Variants in ROBO1 observed in about 807,000 individuals in gnomAD.
The protein encoded by ROBO1 is roundabout guidance receptor 1.
A neutral mutation model predicts 195.9 loss-of-function variants in ROBO1; 149 were observed. The observed-to-expected ratio is 0.76, with a 90% confidence interval of 0.67 to 0.87. ROBO1 has a LOEUF of 0.87. ROBO1 is among the 40% of genes least tolerant of loss of function. The pLI, the probability that ROBO1 is intolerant of heterozygous loss-of-function variation, is 0.00. For missense variants in ROBO1, 1,933 were observed against 2,068.3 expected, an observed-to-expected ratio of 0.93 and a Z score of 1.27; for synonymous variants, 816 against 733.2, an observed-to-expected ratio of 1.11 and a Z score of -1.82.
intron 18 of ROBO1, among the ~76,000 whole-genome samples, chr3:78,656,122 T>G (rs1477421790): frequency 6.7e-6 from 1 of 148,372 alleles, no homozygotes; most frequent in Non-Finnish European, 1.5e-5. Context: ...TTGATGTTAG[T>G]TTTTTTTTTA....
chr3:78,880,536 G>C lies in ROBO1; in HGVS notation c.499+58065C>G, dbSNP rs562326336. 2.6e-5 allele frequency among the ~76,000 whole-genome samples: 4 copies of C among 152,182 alleles called. No homozygotes were observed. In the South Asian group the frequency reaches 8.3e-4, roughly 32 times the overall value. ...CACAGACTCACTAATTGAAAGAAAG[G>C]AGTAAATCAGTTAAGCCACCCAAAT... On this transcript the variant is annotated intron_variant, in intron 4 of 30. Transcript: ENST00000464233.
At chr3:78,717,501 A>G (rs924105286) in intron 6 of ROBO1, 88 bp from the exon 7 acceptor site, 3 of 1,219,176 alleles carry the variant, frequency 2.5e-6, no homozygotes, top group South Asian at 2.6e-5. Context: ...GCATATTTTT[A>G]ATTTAAAATA....
chr3:79,361,546 A>T (rs1302267680), intron 2 of ROBO1, among the ~76,000 whole-genome samples: 1 of 152,124 alleles, frequency 6.6e-6, no homozygotes, highest in Non-Finnish European at 1.5e-5. Context: ...TACCAGCAAA[A>T]GCAGTGAGCA....
At chr3:79,722,958 G>T (rs1045581008) in intron 1 of ROBO1, among the ~76,000 whole-genome samples, 5 of 152,098 alleles carry the variant, frequency 3.3e-5, no homozygotes, top group African/African-American at 1.2e-4. Flanking sequence ...CAACAGTATT[G>T]CATTTGACAT....
At chr3:79,286,971 C>T (rs530510336) in intron 2 of ROBO1, among the ~76,000 whole-genome samples, 2 of 152,248 alleles carry the variant, frequency 1.3e-5, no homozygotes, top group African/African-American at 4.8e-5. Context: ...CTTTTCCAAA[C>T]ATTTCTGCAT....
intron 1 of ROBO1, among the ~76,000 whole-genome samples, chr3:79,641,116 C>A (rs1166430545): frequency 1.3e-5 from 2 of 152,078 alleles, no homozygotes; most frequent in Admixed American, 1.3e-4. Flanking sequence ...AAAGTGGTAT[C>A]GTGAGACTAC....
At chr3:79,076,569 T>C (rs955066116) in intron 3 of ROBO1, among the ~76,000 whole-genome samples, 1 of 151,714 alleles carries the variant, frequency 6.6e-6, no homozygotes, top group Non-Finnish European at 1.5e-5. Context: ...TCATATTTTT[T>C]CATGATTTTT....
At chr3:79,462,152 C>G (rs1455798597) in intron 2 of ROBO1, among the ~76,000 whole-genome samples, 1 of 152,022 alleles carries the variant, frequency 6.6e-6, no homozygotes, top group Non-Finnish European at 1.5e-5. Flanking sequence ...AAAGTAGACA[C>G]TTTTTTTCCA....
intron 2 of ROBO1, among the ~76,000 whole-genome samples, chr3:79,259,888 T>C (rs2082907783): frequency 6.6e-6 from 1 of 152,300 alleles, no homozygotes; most frequent in African/African-American, 2.4e-5. Flanking sequence ...AAAAGAACTT[T>C]TTCAATTGTA....
intron 30 of ROBO1, among the ~76,000 whole-genome samples, chr3:78,599,878 CA>C (rs1478117715): frequency 6.6e-6 from 1 of 152,202 alleles, no homozygotes; most frequent in Non-Finnish European, 1.5e-5. Flanking sequence ...TGAAAATCTG[CA>C]AATGAAGATA....
intron 1 of ROBO1, among the ~76,000 whole-genome samples, chr3:79,711,602 G>C (rs760627188): frequency 6.6e-6 from 1 of 152,016 alleles, no homozygotes; most frequent in Non-Finnish European, 1.5e-5. Context: ...ATGTGGACTT[G>C]CTTTCTTCTA....
intron 8 of ROBO1, among the ~76,000 whole-genome samples, chr3:78,713,489 AT>A (rs563115681): frequency 6.6e-6 from 1 of 152,024 alleles, no homozygotes; most frequent in African/African-American, 2.4e-5. Context: ...CAAAACAGGA[AT>A]TTTTTTTCCA....
chr3:79,560,875 C>A (rs67014954), intron 2 of ROBO1, among the ~76,000 whole-genome samples: 117 of 152,112 alleles, frequency 7.7e-4, no homozygotes, highest in African/African-American at 2.6e-3. Context: ...AAGAAAAATG[C>A]CAACAATTGC....
At chr3:78,641,107 CGTTTGTTT>C (rs139704297) in intron 21 of ROBO1, among the ~76,000 whole-genome samples, 37 of 151,748 alleles carry the variant, frequency 2.4e-4, no homozygotes, top group African/African-American at 3.1e-4. Flanking sequence ...GGCATTGTTC[CGTTTGTTT>C]GTTTGTTTGT....
chr3:79,703,163 A>G (rs9856321), intron 1 of ROBO1, among the ~76,000 whole-genome samples: 43,264 of 151,774 alleles, frequency 0.29, 7,206 homozygotes, highest in African/African-American at 0.47. Context: ...AAATGTCTCA[A>G]AATTGATCAT....
In ROBO1 at chr3:79,121,338, T is replaced by C. The variant is rs946417061; in HGVS notation, c.172+4118A>G. Among the ~76,000 whole-genome samples the C allele has an allele frequency of 5.9e-5, 9 of 152,248 alleles. No individual in the cohort carries two copies. The East Asian group carries it at 1.7e-3, about 29-fold the overall frequency. On this transcript the variant is annotated intron_variant, in intron 3 of 30. Transcript: ENST00000464233. ...ATCAGTGTCATCATCAATTGTTTCT[T>C]GTTGAAATTTCTAAGCATGAGACAA...
intron 2 of ROBO1, among the ~76,000 whole-genome samples, chr3:79,391,421 G>T (rs1300599343): frequency 6.6e-6 from 1 of 151,982 alleles, no homozygotes; most frequent in Non-Finnish European, 1.5e-5. Context: ...AACTTATTTT[G>T]TACTCTAATA....
At chr3:79,042,872 C>A (rs2078514396) in intron 3 of ROBO1, among the ~76,000 whole-genome samples, 1 of 152,110 alleles carries the variant, frequency 6.6e-6, no homozygotes, top group Non-Finnish European at 1.5e-5. Context: ...CTTCTTAAAG[C>A]TCCATTTTAC....
At chr3:78,737,731 G>T (rs1576054312) in intron 5 of ROBO1, among the ~76,000 whole-genome samples, 1 of 152,120 alleles carries the variant, frequency 6.6e-6, no homozygotes, top group African/African-American at 2.4e-5. Flanking sequence ...TTATTTTTAA[G>T]TCATTTATTC....
Sources: allele counts gnomAD v4.1 joint callset (sites outside exome capture counted in the v4.1 genomes callset), GRCh38; gene constraint gnomAD v4.1.1; transcripts MANE v1.5; gene names NCBI Gene and HGNC (gene_info 2026-07-23, HGNC 2026-07-21).